The following BIRC6 variants were observed in gnomAD, a reference collection of about 807,000 sequenced individuals.
The protein encoded by BIRC6 is dual E2 ubiquitin-conjugating enzyme/E3 ubiquitin-protein ligase BIRC6.
A neutral mutation model predicts 503.3 loss-of-function variants in BIRC6; 98 were observed. The observed-to-expected ratio is 0.19, with a 90% CI of 0.17 to 0.23. The LOEUF is 0.23. BIRC6 is among the 10% of genes least tolerant of loss of function. BIRC6 has a pLI of 1.00. For synonymous variants in BIRC6, 2,240 were observed against 2,078.7 expected, an observed-to-expected ratio of 1.08 and a Z score of -2.11; for missense variants, 5,360 against 5,806.0, an observed-to-expected ratio of 0.92 and a Z score of 2.50.
At chr2:32,517,514 G>C (rs2055180435) in intron 55 of BIRC6, among the ~76,000 whole-genome samples, 1 of 152,170 alleles carries the variant, frequency 6.6e-6, no homozygotes, top group Non-Finnish European at 1.5e-5. Flanking sequence ...GTGCTTCTGG[G>C]TAGCATGAAC....
chr2:32,461,204 T>C (rs35250843), intron 23 of BIRC6, among the ~76,000 whole-genome samples: 10,448 of 10,450 alleles, frequency 1, 5,223 homozygotes, highest in Middle Eastern at 1. Context: ...CTTCCCTTTT[T>C]TCTAACTCCA....
rs1170967221 is a variant in BIRC6, at chr2:32,479,492, C to G, written c.7283C>G (p.Ala2428Gly). ...TTACTGGCTCCAGTAGCCGCAGAAG[C>G]CATGGAGGAAGGAACAGTGGGTGAT... ...GELLAPVAAE[A>G]MEEGTVGDDV... The change falls in exon 37 of 74, where the codon GCC becomes GGC. Residue 2428 changes from alanine (A) to glycine (G), a missense_variant. Physicochemically the swap from Ala to Gly is moderately conservative, Grantham distance 60. Transcript: ENST00000421745. The G allele has an allele frequency of 1.2e-6, 2 of 1,603,982 alleles. No individual in the cohort carries two copies. Among genetic ancestry groups the G allele is most frequent in the Non-Finnish European group, 1.7e-6 (2 of 1,174,920 alleles).
chr2:32,537,846 G>C (rs942631556), intron 61 of BIRC6, among the ~76,000 whole-genome samples: 2 of 151,954 alleles, frequency 1.3e-5, no homozygotes, highest in African/African-American at 4.8e-5. Flanking sequence ...GGTGCCTGTA[G>C]TCCCAGCTAC....
intron 8 of BIRC6, among the ~76,000 whole-genome samples, chr2:32,403,501 A>G (rs937402586): frequency 1.3e-5 from 2 of 152,226 alleles, no homozygotes; most frequent in Admixed American, 6.5e-5. Context: ...AAGGAAGAAG[A>G]TATGCTAATA....
chr2:32,468,759 C>A lies in BIRC6; in HGVS notation c.6103C>A (p.Leu2035Ile). 1 of 1,602,832 alleles carries A rather than the reference C, an allele frequency of 6.2e-7. No individual in the cohort carries two copies. Among genetic ancestry groups the A allele is most frequent in the Non-Finnish European group, 8.5e-7 (1 of 1,171,632 alleles). ...CATCAGATATTTACTGGACACTTTGCTCAGCCTGCTTCATGCTTCTAATGG... is the reference window on the plus strand; with the variant it reads ...CATCAGATATTTACTGGACACTTTGATCAGCCTGCTTCATGCTTCTAATGG... ...TIIRYLLDTLLSLLHASNGHS... is the reference protein window; with the variant it reads ...TIIRYLLDTLISLLHASNGHS... The change falls in exon 29 of 74, where the codon CTC becomes ATC. Residue 2035 changes from leucine to isoleucine, a missense_variant. Leu to Ile is a conservative substitution (Grantham distance 5). Around this residue, in one of 16 missense-constraint regions of BIRC6, gnomAD observed 2,299 missense variants for 2,267.2 expected, o/e 1.01. Transcript: ENST00000421745.
In BIRC6 at chr2:32,502,831, T is replaced by C. The variant is rs2053355390; in HGVS notation, c.9244T>C (p.Leu3082=). 3 of 1,612,956 alleles carry C rather than the reference T, an allele frequency of 1.9e-6. 1 individual carries two copies. The highest frequency in any genetic ancestry group is 2.2e-5 in the South Asian group (2 of 90,864). Residue 3082 remains leucine, a synonymous_variant, in exon 48 of 74, where the codon TTG becomes CTG. Transcript: ENST00000421745. ...LATCQLSEPL[L]WFILRVLDTS... is the part of the protein sequence containing the mutation. ...TACTTGCCAGTTATCTGAGCCATTATTGTGGTTCATTTTGAGAGTATTGGA... is the reference window on the plus strand; with the variant it reads ...TACTTGCCAGTTATCTGAGCCATTACTGTGGTTCATTTTGAGAGTATTGGA...
chr2:32,427,618 A>G (rs1558694454), intron 10 of BIRC6, among the ~76,000 whole-genome samples: 1 of 151,896 alleles, frequency 6.6e-6, no homozygotes, highest in Non-Finnish European at 1.5e-5. Flanking sequence ...TTGTTTGTTG[A>G]GTCGTTTATA....
At chr2:32,511,215 T>C (rs2054389521) in intron 53 of BIRC6, among the ~76,000 whole-genome samples, 1 of 144,632 alleles carries the variant, frequency 6.9e-6, no homozygotes, top group Non-Finnish European at 1.5e-5. Context: ...TTTTTTTTTT[T>C]TTTTTTTTTT....
intron 65 of BIRC6, chr2:32,566,490 C>A (rs1033027754): frequency 2.0e-5 from 3 of 152,160 alleles, no homozygotes; most frequent in African/African-American, 7.2e-5. Context: ...GTAGCTGAGA[C>A]TACTGGCGGG....
intron 60 of BIRC6, among the ~76,000 whole-genome samples, chr2:32,530,404 T>G (rs1161815429): frequency 6.6e-6 from 1 of 152,074 alleles, no homozygotes. Context: ...AGAGAGAAGG[T>G]TTCACCATGT....
At chr2:32,425,068 A>G (rs2043334157) in intron 10 of BIRC6, among the ~76,000 whole-genome samples, 1 of 149,704 alleles carries the variant, frequency 6.7e-6, no homozygotes. Context: ...AGACGTAGAA[A>G]TATCTATTCA....
intron 6 of BIRC6, among the ~76,000 whole-genome samples, chr2:32,400,490 C>G (rs1397429495): frequency 6.6e-6 from 1 of 151,862 alleles, no homozygotes. Flanking sequence ...GGGCGCCCAC[C>G]ACCATGCCCA....
At chr2:32,583,298 G>A (rs2060808102) in intron 66 of BIRC6, among the ~76,000 whole-genome samples, 1 of 152,190 alleles carries the variant, frequency 6.6e-6, no homozygotes, top group Admixed American at 6.5e-5. Flanking sequence ...GCTTCATAAA[G>A]ATGATGTTTT....
At chr2:32,442,512 G>T in intron 19 of BIRC6, 57 bp downstream of exon 19, 1 of 1,485,028 alleles carries the variant, frequency 6.7e-7, no homozygotes, top group Non-Finnish European at 9.0e-7. Context: ...AATTTAGTGG[G>T]TGATACCTTG....
chr2:32,395,802 C>T (rs1177977831), intron 6 of BIRC6, among the ~76,000 whole-genome samples: 1 of 152,164 alleles, frequency 6.6e-6, no homozygotes, highest in African/African-American at 2.4e-5. Flanking sequence ...AAATTGTACA[C>T]AAGGGAAGTA....
intron 34 of BIRC6, among the ~76,000 whole-genome samples, chr2:32,476,914 G>A (rs1158038519): frequency 6.6e-6 from 1 of 152,098 alleles, no homozygotes; most frequent in Non-Finnish European, 1.5e-5. Flanking sequence ...GAGGGATACC[G>A]TGTATGTATC....
At chr2:32,563,742 C>A (rs1017469240) in intron 65 of BIRC6, 5 of 152,024 alleles carry the variant, frequency 3.3e-5, no homozygotes, top group Admixed American at 2.6e-4. Flanking sequence ...ACAACTGTTA[C>A]CAAAGTGAAT....
At chr2:32,488,465 G>T in intron 41 of BIRC6, 123 bp from the exon 42 acceptor site, 1 of 724,106 alleles carries the variant, frequency 1.4e-6, no homozygotes, top group Non-Finnish European at 2.1e-6. Flanking sequence ...TAAGTGTGAA[G>T]AAGTGTTTAA....
In BIRC6 at chr2:32,515,181, A is replaced by G; in HGVS notation, c.10760A>G (p.Asp3587Gly). 3 of 1,613,990 alleles carry G rather than the reference A, an allele frequency of 1.9e-6. No homozygotes were observed. The highest frequency in any genetic ancestry group is 2.5e-6 in the Non-Finnish European group (3 of 1,179,892). The part of the protein sequence containing the change: ...LSMTDDSKKQ[D>G]LSSSLTDDSK... The stretch of plus-strand genomic sequence containing the variant: ...ATGACAGATGATAGCAAAAAGCAGG[A>G]TCTTAGTTCATCTTTAACAGATGAC... Residue 3587 changes from aspartate (D) to glycine (G), a missense_variant, in exon 55 of 74, where the codon GAT becomes GGT. Coordinates refer to ENST00000421745, the MANE Select transcript of BIRC6 (RefSeq NM_016252.4).
Sources: allele counts gnomAD v4.1 joint callset (sites outside exome capture counted in the v4.1 genomes callset), GRCh38; gene constraint gnomAD v4.1.1; regional missense constraint gnomAD v4.1.1; transcripts MANE v1.5; gene names NCBI Gene and HGNC (gene_info 2026-07-23, HGNC 2026-07-21).